The following LAMA5 variants were observed in gnomAD, a reference collection of about 807,000 sequenced individuals.
LAMA5 encodes the protein laminin subunit alpha 5, also known as laminin subunit alpha-5.
Under a neutral mutation model 433.4 loss-of-function variants are expected in LAMA5, and 260 were observed. The observed-to-expected ratio is 0.60, with a 90% CI of 0.54 to 0.66. LAMA5 has a LOEUF of 0.66. LAMA5 is among the 30% of genes least tolerant of loss of function. LAMA5 has a pLI of 0.00. For synonymous variants in LAMA5, 2,620 were observed against 2,226.6 expected (o/e 1.18, Z -4.97); for missense variants, 5,378 against 5,258.5 (o/e 1.02, Z -0.70).
chr20:62,319,832 A>AG, intron 50 of LAMA5, 37 bp from the exon 51 acceptor site: 1 of 1,490,492 alleles, frequency 6.7e-7, no homozygotes, highest in Non-Finnish European at 9.1e-7. Flanking sequence ...CGCTGCTGGT[A>AG]GGCGAGGGTC....
In LAMA5 at chr20:62,359,900, A is replaced by G. The variant is rs531597821; in HGVS notation, c.450+2500T>C. ...CCCACCCCGCCCTCCTCAGCCTTCCAGGAGCAGGAAGCCTTCCCGATGCCC... is the reference window on the plus strand; with the variant it reads ...CCCACCCCGCCCTCCTCAGCCTTCCGGGAGCAGGAAGCCTTCCCGATGCCC... On this transcript the variant is annotated intron_variant, in intron 2 of 79. Transcript: ENST00000252999. The surrounding 1 kb of genome is among the most constrained non-coding windows in gnomAD (Gnocchi z 4.3). Among the ~76,000 whole-genome samples the G allele has an allele frequency of 6.6e-6, 1 of 151,240 alleles. No homozygotes were observed. Among genetic ancestry groups the G allele is most frequent in the South Asian group, 2.1e-4 (1 of 4,768 alleles).
At position 62,367,222 on chromosome 20, in the gene LAMA5, C is replaced by T; in HGVS notation, c.24G>A (p.Gly8=). Residue 8 remains glycine (G), a synonymous_variant, in exon 1 of 80, where the codon GGG becomes GGA. Coordinates refer to ENST00000252999, the MANE Select transcript of LAMA5 (RefSeq NM_005560.6). The part of the protein sequence containing the change: MAKRLCA[G]SALCVRGPRG... ...GGGGGCCGCGAACACACAGTGCGCT[C>T]CCCGCGCAGAGCCGCTTCGCCATCT... is the stretch of plus-strand genomic sequence containing the variant. 1 of 1,204,666 alleles carries T rather than the reference C, an allele frequency of 8.3e-7. No individual in the cohort carries two copies. Among genetic ancestry groups the T allele is most frequent in the Non-Finnish European group, 1.0e-6 (1 of 971,646 alleles). The allele number at this position is 1,204,666 out of a possible 1,614,324, so 74.6% of individuals were successfully genotyped here.
rs1986154972 is a variant in LAMA5, at chr20:62,310,663, A to G, written c.10446+2T>C. 6.2e-7 allele frequency: 1 copy of G among 1,602,230 alleles called. No individual in the cohort carries two copies. Among genetic ancestry groups the G allele is most frequent in the Non-Finnish European group, 8.5e-7 (1 of 1,178,196 alleles). Reference sequence around the variant, plus strand: ...TGGGGGCTGGGGCAAGATGGTTCTCACCGGAAGTTTGGAGCTGTGGCTGCT... The same window carrying G: ...TGGGGGCTGGGGCAAGATGGTTCTCGCCGGAAGTTTGGAGCTGTGGCTGCT... On this transcript the variant is annotated splice_donor_variant, in intron 75 of 79. Transcript: ENST00000252999. LOFTEE classifies it high-confidence loss of function.
At chr20:62,319,134 A>G in intron 51 of LAMA5, 121 bp from the exon 52 acceptor site, 1 of 1,093,502 alleles carries the variant, frequency 9.1e-7, no homozygotes, top group Non-Finnish European at 1.3e-6. Context: ...CCGGAACCTG[A>G]GCGCACCTGG....
rs79658450 is a variant in LAMA5, at chr20:62,318,559, C to G, written c.7134G>C (p.Glu2378Asp). The change falls in exon 53 of 80, where the codon GAG (glutamate) becomes GAC (aspartate). Residue 2378 changes from glutamate (E) to aspartate (D), a missense_variant. By Grantham distance (45) the Glu-to-Asp change is conservative. Transcript: ENST00000252999. ...TQTRDRLAQHEAGLMDLREAL... is the reference protein window; with the variant it reads ...TQTRDRLAQHDAGLMDLREAL... Reference sequence around the variant, plus strand: ...CCTCTCGCAGGTCCATGAGGCCGGCCTCGTGCTGGGCCAGCCGGTCGCGGG... The same window carrying G: ...CCTCTCGCAGGTCCATGAGGCCGGCGTCGTGCTGGGCCAGCCGGTCGCGGG... The G allele has an allele frequency of 3.3e-4, 534 of 1,610,292 alleles. 2 individuals are homozygous for G. The African/African-American group carries it at 6.4e-3, about 19-fold the overall frequency.
intron 55 of LAMA5, 39 bp downstream of exon 55, chr20:62,317,306 C>T (rs765706882): frequency 1.6e-5 from 25 of 1,552,144 alleles, no homozygotes; most frequent in Middle Eastern, 2.2e-4. Context: ...TCTGCATCCC[C>T]AGGGTGGGCC....
Position 62,313,614 on chromosome 20 carries a change from C to A in LAMA5, c.8658+35G>T. The A allele has an allele frequency of 2.5e-6, 4 of 1,608,960 alleles. No homozygotes were observed. In the South Asian group the frequency reaches 4.4e-5, roughly 18 times the overall value. On this transcript the variant is annotated intron_variant, in intron 63 of 79. Coordinates refer to ENST00000252999, the MANE Select transcript of LAMA5 (RefSeq NM_005560.6). ...ACACAAGCGACTCGGGGCTGCGGAG[C>A]CCCTCCCAGGCTGCCCCAGGCCGGG...
At chr20:62,362,633 G>C (rs1986269767) in intron 1 of LAMA5, 81 bp from the exon 2 acceptor site, 1 of 1,280,532 alleles carries the variant, frequency 7.8e-7, no homozygotes, top group African/African-American at 1.5e-5. Context: ...GCTGCCCCGA[G>C]ACAAGTCCTG....
In LAMA5 at chr20:62,322,698, C is replaced by G; in HGVS notation, c.6125G>C (p.Cys2042Ser). 6.5e-7 allele frequency: 1 copy of G among 1,549,126 alleles called. No homozygotes were observed. The highest frequency in any genetic ancestry group is 8.7e-7 in the Non-Finnish European group (1 of 1,149,074). Residue 2042 changes from cysteine to serine, a missense_variant, in exon 46 of 80, where the codon TGC becomes TCC. By Grantham distance (112) the Cys-to-Ser change is moderately radical. Coordinates refer to ENST00000252999, the MANE Select transcript of LAMA5 (RefSeq NM_005560.6). The part of the protein sequence containing the change: ...ACDPHSGHCL[C>S]KAGVTGRRCD... ...GCGCCGCCCAGTCACGCCCGCCTTG[C>G]ACAGGCAGTGCCCGCTGTGGGGGTC...
chr20:62,336,715 C>T lies in LAMA5; in HGVS notation c.2217+19G>A, dbSNP rs754320037. ...TGGGTCCTCACCCATCTCCCACACA[C>T]GAGCAGACTTGGGCTCACCTCAGGA... On this transcript the variant is annotated intron_variant, in intron 17 of 79. Transcript: ENST00000252999. The T allele has an allele frequency of 7.4e-6, 12 of 1,612,716 alleles. No individual in the cohort carries two copies. The East Asian group carries it at 8.9e-5, about 12-fold the overall frequency.
At chr20:62,348,967 T>C (rs1460159432) in intron 6 of LAMA5, among the ~76,000 whole-genome samples, 1 of 152,146 alleles carries the variant, frequency 6.6e-6, no homozygotes, top group Non-Finnish European at 1.5e-5. Flanking sequence ...AAGGATGGTC[T>C]TGAATTAATA....
rs200436580 is a variant in LAMA5, at chr20:62,310,404, C to A, written c.10600+15G>T. ...CCCTGCCCTGCTGAGGCCTGGGATG[C>A]CAGCACCCACAGACCTAAAGTGATA... On this transcript the variant is annotated intron_variant, in intron 76 of 79. Transcript: ENST00000252999. 2.1e-5 allele frequency: 33 copies of A among 1,589,114 alleles called. No homozygotes were observed. The African/African-American group carries it at 3.6e-4, about 18-fold the overall frequency.
chr20:62,323,313 A>G (rs1161127447), intron 45 of LAMA5, 143 bp downstream of exon 45: 1 of 717,732 alleles, frequency 1.4e-6, no homozygotes, highest in Non-Finnish European at 2.2e-6. Flanking sequence ...AGGGTTGACC[A>G]TGAACCCAGA....
In LAMA5 at chr20:62,336,781, A is replaced by C. The variant is rs768947775; in HGVS notation, c.2170T>G (p.Ser724Ala). ...GGGGCCAGACCGGCAGGGTGGCAAG[A>C]GCCAGCTGTGAAGAGAGGACCATGC... ...AYNFPYCEAGSCHPAGLAPVD... is the reference protein window; with the variant it reads ...AYNFPYCEAGACHPAGLAPVD... The change falls in exon 17 of 80, where the codon TCT becomes GCT. Residue 724 changes from serine (S) to alanine (A), a missense_variant. Coordinates refer to ENST00000252999, the MANE Select transcript of LAMA5 (RefSeq NM_005560.6). The C allele has an allele frequency of 3.7e-6, 6 of 1,612,706 alleles. No homozygotes were observed. In the South Asian group the frequency reaches 5.5e-5, roughly 15 times the overall value.
intron 43 of LAMA5, 87 bp from the exon 44 acceptor site, chr20:62,323,943 C>T: frequency 2.8e-6 from 4 of 1,454,338 alleles, no homozygotes; most frequent in Non-Finnish European, 3.7e-6. Context: ...GAACACACGC[C>T]AGGCGTCGGG....
intron 11 of LAMA5, among the ~76,000 whole-genome samples, chr20:62,341,743 C>A (rs1227095992): frequency 6.7e-6 from 1 of 149,692 alleles, no homozygotes; most frequent in Non-Finnish European, 1.5e-5. Context: ...AAAGAAAAAC[C>A]TCAGCAGGTC....
chr20:62,367,257 C>G lies in LAMA5; in HGVS notation c.-12G>C, dbSNP rs975729180. 2 of 1,163,598 alleles carry G rather than the reference C, an allele frequency of 1.7e-6. No homozygotes were observed. The highest frequency in any genetic ancestry group is 2.1e-6 in the Non-Finnish European group (2 of 945,540). 72.1% of individuals were successfully genotyped at this position (1,163,598 alleles called of 1,614,324 possible). A position where few individuals can be genotyped will look rare whatever the true frequency, so the allele number is the denominator to read the frequency against. ...AGCCGCTTCGCCATCTTCCCGGCTCCGGGCCGCGTCCCCGAGCTCCAGGGA... is the reference window on the plus strand; with the variant it reads ...AGCCGCTTCGCCATCTTCCCGGCTCGGGGCCGCGTCCCCGAGCTCCAGGGA... On this transcript the variant is annotated 5_prime_UTR_variant, in exon 1 of 80. Transcript: ENST00000252999.
intron 2 of LAMA5, among the ~76,000 whole-genome samples, chr20:62,355,833 C>G (rs1985129938): frequency 6.6e-6 from 1 of 151,990 alleles, no homozygotes; most frequent in African/African-American, 2.4e-5. Flanking sequence ...GAAGGACCCG[C>G]TAGAGGTGGA....
rs1416779017 is a variant in LAMA5 at position 62,359,028 on chromosome 20, C to T, written c.450+3372G>A. ...TTATACCCTGCCAGCCCCAGTTCCC[C>T]CACACCTTGACCCCCACCTGGGCCT... On this transcript the variant is annotated intron_variant, in intron 2 of 79. Coordinates refer to ENST00000252999, the MANE Select transcript of LAMA5 (RefSeq NM_005560.6). This position sits in a 1 kb window ranked among gnomAD's most constrained non-coding sequence, Gnocchi z 4.3. Among the ~76,000 whole-genome samples, 1 of 152,160 alleles carries T rather than the reference C, an allele frequency of 6.6e-6. No individual in the cohort carries two copies. The highest frequency in any genetic ancestry group is 2.4e-5 in the African/African-American group (1 of 41,450).
Sources: gnomAD v4.1 joint callset for allele counts (sites outside exome capture counted in the v4.1 genomes callset) on GRCh38, gnomAD v4.1.1 for gene constraint, Gnocchi (gnomAD v3.1) non-coding constraint, MANE v1.5 for transcripts, NCBI Gene and HGNC (gene_info 2026-07-23, HGNC 2026-07-21) for gene names.